AOC3: variants seen among roughly 807,000 people sequenced by gnomAD.
The protein encoded by AOC3 is amine oxidase [copper-containing] 3.
AOC3 carries 47 observed loss-of-function variants against 55.4 expected under a neutral mutation model. The observed-to-expected ratio is 0.85, with a 90% CI of 0.67 to 1.08. AOC3 has a LOEUF of 1.08. AOC3 is among the 50% of genes least tolerant of loss of function. AOC3 has a pLI of 0.00. For synonymous variants in AOC3, 386 were observed against 410.7 expected (o/e 0.94, Z 0.73); for missense variants, 853 against 993.1 (o/e 0.86, Z 1.90).
In AOC3 at chr17:42,852,158, A is replaced by G. The variant is rs1240450731; in HGVS notation, c.815A>G (p.Asp272Gly). The change falls in exon 1 of 4, where the codon GAC becomes GGC. Residue 272 changes from aspartate (D) to glycine (G), a missense_variant. Transcript: ENST00000308423. ...QKVFYQGRYYDSLAQLEAQFE... is the reference protein window; with the variant it reads ...QKVFYQGRYYGSLAQLEAQFE... ...GTGTTCTATCAAGGCCGCTACTACG[A>G]CAGCCTGGCCCAGCTGGAGGCCCAG... 7 of 1,613,858 alleles carry G rather than the reference A, an allele frequency of 4.3e-6. No homozygotes were observed. Among genetic ancestry groups the G allele is most frequent in the Non-Finnish European group, 5.9e-6 (7 of 1,179,858 alleles).
Position 42,851,219 on chromosome 17 carries a change from C to G in AOC3, c.-125C>G. On this transcript the variant is annotated 5_prime_UTR_variant, in exon 1 of 4. Coordinates refer to ENST00000308423, the MANE Select transcript of AOC3 (RefSeq NM_003734.4). ...CCCTTAGTCCCAGGCATCTGACTAC[C>G]GGGAACCTCAGCCAGAGTCCGGGAG... 8.9e-7 allele frequency: 1 copy of G among 1,121,626 alleles called. No individual in the cohort carries two copies. The highest frequency in any genetic ancestry group is 1.3e-6 in the Non-Finnish European group (1 of 779,568). 69.5% of individuals were successfully genotyped at this position (1,121,626 alleles called of 1,614,324 possible).
chr17:42,852,973 T>C (rs900326021), intron 1 of AOC3, 30 bp downstream of exon 1: 3 of 1,588,392 alleles, frequency 1.9e-6, no homozygotes, highest in African/African-American at 2.7e-5. Context: ...AGAAGGCTTC[T>C]GGAAGAAGGG....
rs1402386044 is a variant in AOC3 at position 42,856,734 on chromosome 17, CAG to C, written c.*185_*186del. The C allele has an allele frequency of 8.8e-6, 6 of 682,002 alleles. No individual in the cohort carries two copies. Among genetic ancestry groups the C allele is most frequent in the Admixed American group, 5.9e-5 (2 of 34,116 alleles). The allele number at this position is 682,002 out of a possible 1,614,324, so 42.2% of individuals were successfully genotyped here. On this transcript the variant is annotated 3_prime_UTR_variant, in exon 4 of 4. Coordinates refer to ENST00000308423, the MANE Select transcript of AOC3 (RefSeq NM_003734.4). Reference sequence around the variant, plus strand: ...CCTCCTGACCCTGTGATGCCTGACACAGGGGACACTGAACCTTGTTGATGCCA... The same window carrying C: ...CCTCCTGACCCTGTGATGCCTGACACGGGACACTGAACCTTGTTGATGCCA...
At position 42,851,951 on chromosome 17, in the gene AOC3, A is replaced by G. The variant is rs630079; in HGVS notation, c.608A>G (p.His203Arg). ...GLLHHCCFYK[H>R]RGRNLVTMTT... ...CTCCACCACTGTTGCTTCTACAAGC[A>G]CCGGGGACGGAACCTGGTGACAATG... Residue 203 changes from histidine (H) to arginine (R), a missense_variant, in exon 1 of 4, where the codon CAC becomes CGC. Transcript: ENST00000308423. 142 of 1,613,716 alleles carry G rather than the reference A, an allele frequency of 8.8e-5. No homozygotes were observed. Among genetic ancestry groups the G allele is most frequent in the South Asian group, 3.6e-4 (33 of 91,074 alleles).
At chr17:42,853,137 C>A in intron 1 of AOC3, 194 bp downstream of exon 1, 1 of 1,375,732 alleles carries the variant, frequency 7.3e-7, no homozygotes, top group Non-Finnish European at 9.5e-7. Context: ...AAAGCTGCAG[C>A]CTTCCTCTAC....
At chr17:42,856,177 T>A (rs2055745266) in intron 3 of AOC3, 98 bp from the exon 4 acceptor site, 1 of 1,465,652 alleles carries the variant, frequency 6.8e-7, no homozygotes, top group Non-Finnish European at 9.3e-7. Context: ...AAAAAATGTT[T>A]AAAGACTCAT....
At chr17:42,853,273 C>T in intron 1 of AOC3, 12 of 1,105,508 alleles carry the variant, frequency 1.1e-5, no homozygotes, top group Non-Finnish European at 1.3e-5. Flanking sequence ...TGGGAGCAGC[C>T]TTCTGTTTGT....
chr17:42,855,149 G>C (rs1029593911), intron 2 of AOC3, among the ~76,000 whole-genome samples: 11 of 152,142 alleles, frequency 7.2e-5, no homozygotes, highest in Non-Finnish European at 5.9e-5. Flanking sequence ...CTGGCCAAAG[G>C]TTTTTCTAGT....
At chr17:42,855,611 G>T in intron 3 of AOC3, 38 bp downstream of exon 3, 1 of 1,613,752 alleles carries the variant, frequency 6.2e-7, no homozygotes, top group Non-Finnish European at 8.5e-7. Flanking sequence ...GATGAGCCTT[G>T]CTTTCTCTTG....
In AOC3 at chr17:42,856,353, A is replaced by G; in HGVS notation, c.2095A>G (p.Asn699Asp). Reference protein sequence around the residue: ...EDIPNTVTVGNGVGFFLRPYN... With the variant: ...EDIPNTVTVGDGVGFFLRPYN... The stretch of plus-strand genomic sequence containing the variant: ...CATTCCTAACACAGTGACTGTGGGG[A>G]ACGGCGTGGGCTTCTTCCTCCGACC... The change falls in exon 4 of 4, where the codon AAC becomes GAC. Residue 699 changes from asparagine (N) to aspartate (D), a missense_variant. By Grantham distance (23) the Asn-to-Asp change is conservative. Transcript: ENST00000308423. The G allele has an allele frequency of 6.2e-7, 1 of 1,614,142 alleles. No individual in the cohort carries two copies.
At position 42,857,554 on chromosome 17, in the gene AOC3, T is replaced by C. The variant is rs967402142; in HGVS notation, c.*1004T>C. 4 of 152,298 alleles carry C rather than the reference T, an allele frequency of 2.6e-5. No homozygotes were observed. The highest frequency in any genetic ancestry group is 5.9e-5 in the Non-Finnish European group (4 of 68,046). 9.4% of individuals were successfully genotyped at this position (152,298 alleles called of 1,614,324 possible). ...CTCCAGCCACCCAGCCAGGAGGGGCTGTCCAATCACATTCAGGCATGCGAA... is the reference window on the plus strand; with the variant it reads ...CTCCAGCCACCCAGCCAGGAGGGGCCGTCCAATCACATTCAGGCATGCGAA... On this transcript the variant is annotated 3_prime_UTR_variant, in exon 4 of 4. Coordinates refer to ENST00000308423, the MANE Select transcript of AOC3 (RefSeq NM_003734.4).
chr17:42,852,531 G>GC lies in AOC3; in HGVS notation c.1192dup (p.Leu398ProfsTer30), dbSNP rs2055686986. 1 of 1,614,214 alleles carries GC rather than the reference G, an allele frequency of 6.2e-7. No homozygotes were observed. The stretch of plus-strand genomic sequence containing the variant: ...GCTTTGGCATGGGCAAGTACACCAC[G>GC]CCCCTGACCCGTGGGGTGGACTGCC... On this transcript the variant is annotated frameshift_variant, in exon 1 of 4. Coordinates refer to ENST00000308423, the MANE Select transcript of AOC3 (RefSeq NM_003734.4). LOFTEE classifies it high-confidence loss of function.
Position 42,856,432 on chromosome 17 carries a change from T to C in AOC3, c.2174T>C (p.Phe725Ser), listed in dbSNP as rs887120652. ...PSFYSADSIYFRGDQDAGACE... is the reference protein window; with the variant it reads ...PSFYSADSIYSRGDQDAGACE... ...TTCTACTCTGCCGACTCCATCTACT[T>C]CCGAGGGGACCAGGATGCTGGGGCC... The change falls in exon 4 of 4, where the codon TTC becomes TCC. Residue 725 changes from phenylalanine (F) to serine (S), a missense_variant. Transcript: ENST00000308423. 2.5e-5 allele frequency: 40 copies of C among 1,614,054 alleles called. No homozygotes were observed. Among genetic ancestry groups the C allele is most frequent in the Non-Finnish European group, 3.1e-5 (37 of 1,180,030 alleles).
rs2055708813 is a variant in AOC3 at position 42,853,830 on chromosome 17, CA to C, written c.1601-614del. Among the ~76,000 whole-genome samples the C allele has an allele frequency of 2.6e-5, 4 of 152,318 alleles. No individual in the cohort carries two copies. In the South Asian group the frequency reaches 8.3e-4, roughly 32 times the overall value. On this transcript the variant is annotated intron_variant, in intron 1 of 3. Coordinates refer to ENST00000308423, the MANE Select transcript of AOC3 (RefSeq NM_003734.4). Reference sequence around the variant, plus strand: ...TGGGATCCTGTCTGCAGAACCCCCTCAAAACTCTTTCCTTCACGGTGCAGCT... The same window carrying C: ...TGGGATCCTGTCTGCAGAACCCCCTCAAACTCTTTCCTTCACGGTGCAGCT...
chr17:42,851,823 T>C lies in AOC3; in HGVS notation c.480T>C (p.His160=), dbSNP rs1239131489. 1 of 1,613,574 alleles carries C rather than the reference T, an allele frequency of 6.2e-7. No individual in the cohort carries two copies. The highest frequency in any genetic ancestry group is 8.5e-7 in the Non-Finnish European group (1 of 1,180,024). ...SYMRDVTVER[H]GGPLPYHRRP... ...TGCGGGACGTGACTGTGGAGCGTCA[T>C]GGAGGCCCCCTGCCCTATCACCGAC... Residue 160 remains histidine, a synonymous_variant, in exon 1 of 4, where the codon CAT becomes CAC. Transcript: ENST00000308423.
rs367623224 is a variant in AOC3 at position 42,853,355 on chromosome 17, G to C, written c.1600+412G>C. 4.5e-4 allele frequency: 458 copies of C among 1,015,082 alleles called. 4 individuals are homozygous for C. In the South Asian group the frequency reaches 9.3e-3, roughly 21 times the overall value. The allele number at this position is 1,015,082 out of a possible 1,614,324, so 62.9% of individuals were successfully genotyped here. On this transcript the variant is annotated intron_variant, in intron 1 of 3. Coordinates refer to ENST00000308423, the MANE Select transcript of AOC3 (RefSeq NM_003734.4). Reference sequence around the variant, plus strand: ...CTCTTTGCATTCTACCACGTCCCTGGCATGTGCAGGTCAGTCATTCCAGGT... The same window carrying C: ...CTCTTTGCATTCTACCACGTCCCTGCCATGTGCAGGTCAGTCATTCCAGGT...
Position 42,852,630 on chromosome 17 carries a change from T to C in AOC3, c.1287T>C (p.Phe429=), listed in dbSNP as rs201792517. The change falls in exon 1 of 4, where the codon TTT becomes TTC. Residue 429 remains phenylalanine (F), a synonymous_variant. Transcript: ENST00000308423. ...SQAPKTIRDA[F]CVFEQNQGLP... is the part of the protein sequence containing the mutation. ...CCCCCAAGACAATACGTGATGCCTTTTGTGTGTTTGAACAGAACCAGGGCC... is the reference window on the plus strand; with the variant it reads ...CCCCCAAGACAATACGTGATGCCTTCTGTGTGTTTGAACAGAACCAGGGCC... 1.9e-5 allele frequency: 30 copies of C among 1,614,176 alleles called. No individual in the cohort carries two copies. The East Asian group carries it at 6.2e-4, about 34-fold the overall frequency.
intron 1 of AOC3, 103 bp downstream of exon 1, chr17:42,853,046 A>G (rs2055698650): frequency 2.1e-6 from 3 of 1,420,452 alleles, no homozygotes; most frequent in Admixed American, 2.5e-5. Context: ...GAAGACGTGG[A>G]TTTTTGTACT....
chr17:42,855,619 T>C, intron 3 of AOC3, 46 bp downstream of exon 3: 1 of 1,612,632 alleles, frequency 6.2e-7, no homozygotes, highest in Middle Eastern at 1.7e-4. Context: ...TTGCTTTCTC[T>C]TGGGAGGGTC....
Sources: allele counts gnomAD v4.1 joint callset (sites outside exome capture counted in the v4.1 genomes callset), GRCh38; gene constraint gnomAD v4.1.1; transcripts MANE v1.5; gene names NCBI Gene and HGNC (gene_info 2026-07-23, HGNC 2026-07-21).